The following ZC3H12B variants were observed in gnomAD, a reference collection of about 807,000 sequenced individuals.
The protein encoded by ZC3H12B is zinc finger CCCH-type containing 12B, also known as probable ribonuclease ZC3H12B.
A neutral mutation model predicts 43.9 loss-of-function variants in ZC3H12B; 7 were observed. That is an observed-to-expected ratio of 0.16 (90% CI 0.09 to 0.30). The LOEUF is 0.30. Ranked by LOEUF, ZC3H12B falls within the 10% of genes least tolerant of loss-of-function variation. The pLI, the probability that ZC3H12B is intolerant of heterozygous loss-of-function variation, is 1.00. For missense variants in ZC3H12B, 475 were observed against 670.2 expected (o/e 0.71, Z 3.22); for synonymous variants, 222 against 241.7 (o/e 0.92, Z 0.76).
chrX:65,317,768 C>G, the ZC3H12B span, among the ~76,000 whole-genome samples: 1 of 103,067 alleles, frequency 9.7e-6, no homozygotes, highest in Non-Finnish European at 2.0e-5. Flanking sequence ...TACACACACA[C>G]ACTATATATA....
chrX:65,086,202 A>G, the ZC3H12B span, among the ~76,000 whole-genome samples: 12 of 111,226 alleles, frequency 1.1e-4, no homozygotes, highest in African/African-American at 3.9e-4. Context: ...CAGTATTTAC[A>G]TCTATATTTA....
At chrX:65,196,405 C>CG in the ZC3H12B span, among the ~76,000 whole-genome samples, 2 of 110,881 alleles carry the variant, frequency 1.8e-5, no homozygotes, top group Non-Finnish European at 3.8e-5. Flanking sequence ...TACCAAATTC[C>CG]GGGGGGGATT....
chrX:65,284,251 C>CACACA, the ZC3H12B span, among the ~76,000 whole-genome samples: 2 of 67,954 alleles, frequency 2.9e-5, no homozygotes, highest in African/African-American at 9.9e-5. Flanking sequence ...CACACACACA[C>CACACA]AAAAAAAAAA....
chrX:65,153,587 C>T, the ZC3H12B span, among the ~76,000 whole-genome samples: 1 of 111,795 alleles, frequency 8.9e-6, no homozygotes, highest in Admixed American at 9.5e-5. Flanking sequence ...ACAACAGGTG[C>T]TGGAGAGGAT....
chrX:65,136,551 C>T, the ZC3H12B span, among the ~76,000 whole-genome samples: 5 of 111,088 alleles, frequency 4.5e-5, no homozygotes, highest in Non-Finnish European at 9.4e-5. Context: ...TGGTGTTTTG[C>T]TAAAAGATTT....
intron 3 of ZC3H12B, among the ~76,000 whole-genome samples, chrX:65,407,724 G>C (rs917742960): frequency 3.5e-5 from 4 of 113,673 alleles, no homozygotes; most frequent in Non-Finnish European, 7.5e-5. Context: ...GAGTGCGGTC[G>C]GAGTCACCGC....
intron 3 of ZC3H12B, among the ~76,000 whole-genome samples, chrX:65,475,736 A>G (rs901329809): frequency 2.7e-5 from 3 of 112,169 alleles, no homozygotes; most frequent in African/African-American, 6.5e-5. Flanking sequence ...GAGCAAAGTC[A>G]TGTCTTACAT....
chrX:65,272,653 G>C, the ZC3H12B span: 1 of 111,585 alleles, frequency 9.0e-6, no homozygotes, highest in Non-Finnish European at 1.9e-5. Flanking sequence ...TTCCTATTTA[G>C]TGAAGAATAG....
the ZC3H12B span, among the ~76,000 whole-genome samples, chrX:65,289,569 A>T: frequency 9.1e-6 from 1 of 109,359 alleles, no homozygotes; most frequent in Non-Finnish European, 1.9e-5. Context: ...AATATTTTAT[A>T]TTCATAATAT....
chrX:65,374,311 T>A (rs2066314953), intron 2 of ZC3H12B, among the ~76,000 whole-genome samples: 1 of 94,698 alleles, frequency 1.1e-5, no homozygotes, highest in African/African-American at 3.9e-5. Flanking sequence ...AACTACCTAT[T>A]GGTTGGGTGC....
At chrX:65,172,855 G>A in the ZC3H12B span, among the ~76,000 whole-genome samples, 1 of 112,031 alleles carries the variant, frequency 8.9e-6, no homozygotes, top group African/African-American at 3.2e-5. Context: ...AAATCAGGTA[G>A]TGTGATGCCT....
intron 3 of ZC3H12B, among the ~76,000 whole-genome samples, chrX:65,450,826 CAT>C (rs1192906149): frequency 4.9e-5 from 3 of 60,758 alleles, no homozygotes; most frequent in Non-Finnish European, 8.7e-5. Context: ...TATATATATA[CAT>C]ATGTGTATAT....
At chrX:65,149,807 A>C in the ZC3H12B span, among the ~76,000 whole-genome samples, 1 of 97,880 alleles carries the variant, frequency 1.0e-5, no homozygotes, top group East Asian at 2.9e-4. Context: ...TAATAATAAT[A>C]ATAATAATAA....
At chrX:65,207,866 G>C in the ZC3H12B span, among the ~76,000 whole-genome samples, 1 of 33,941 alleles carries the variant, frequency 2.9e-5, no homozygotes, top group Non-Finnish European at 5.3e-5. Flanking sequence ...GCAGTGGTTT[G>C]TAGTTCTCCT....
At chrX:65,246,264 C>G in the ZC3H12B span, among the ~76,000 whole-genome samples, 1 of 111,235 alleles carries the variant, frequency 9.0e-6, no homozygotes, top group Non-Finnish European at 1.9e-5. Flanking sequence ...TCATACATGG[C>G]ACAAAAAAAT....
the ZC3H12B span, among the ~76,000 whole-genome samples, chrX:65,300,298 C>T: frequency 8.9e-6 from 1 of 111,860 alleles, no homozygotes; most frequent in Non-Finnish European, 1.9e-5. Context: ...TCACCAGCTG[C>T]CTGGATATAA....
chrX:65,310,609 C>T, the ZC3H12B span, among the ~76,000 whole-genome samples: 2 of 111,949 alleles, frequency 1.8e-5, no homozygotes, highest in African/African-American at 3.3e-5. Context: ...CCCCATCAAG[C>T]TACCAATGAC....
At chrX:65,173,337 T>G in the ZC3H12B span, among the ~76,000 whole-genome samples, 2 of 112,112 alleles carry the variant, frequency 1.8e-5, no homozygotes, top group Non-Finnish European at 1.9e-5. Flanking sequence ...ATGATGGTGT[T>G]TTCTAAATAT....
At chrX:65,377,812 T>A (rs1014941826) in intron 2 of ZC3H12B, among the ~76,000 whole-genome samples, 6 of 111,519 alleles carry the variant, frequency 5.4e-5, no homozygotes, top group African/African-American at 2.0e-4. Context: ...TAAGAAATCA[T>A]CTGGAGGTCA....
Sources: allele counts gnomAD v4.1 joint callset (sites outside exome capture counted in the v4.1 genomes callset), GRCh38; gene constraint gnomAD v4.1.1; transcripts MANE v1.5; gene names NCBI Gene and HGNC (gene_info 2026-07-23, HGNC 2026-07-21).